TSC22D1: variants seen among roughly 807,000 people sequenced by gnomAD.
TSC22D1 encodes the protein TSC22 domain family member 1.
In TSC22D1, 9 loss-of-function variants were observed where a neutral mutation model predicts 74.2. That is an observed-to-expected ratio of 0.12 (90% CI 0.07 to 0.21). The LOEUF (loss-of-function observed/expected upper bound fraction) is 0.21. Ranked by LOEUF, TSC22D1 falls within the 10% of genes least tolerant of loss-of-function variation. The probability of loss-of-function intolerance (pLI) is 1.00; values close to 1 mark genes in which losing one functional copy is unlikely to be tolerated. For synonymous variants in TSC22D1, 586 were observed against 492.5 expected (o/e 1.19, Z -2.51); for missense variants, 1,427 against 1,304.7 (o/e 1.09, Z -1.44).
intron 1 of TSC22D1, among the ~76,000 whole-genome samples, chr13:44,548,897 T>A (rs139921521): frequency 2.6e-5 from 4 of 152,266 alleles, no homozygotes; most frequent in Admixed American, 6.5e-5. Context: ...AAGAACTTCA[T>A]AATTTAATAA....
intron 1 of TSC22D1, among the ~76,000 whole-genome samples, chr13:44,517,853 A>T (rs371848596): frequency 0.011 from 252 of 23,202 alleles, no homozygotes; most frequent in Non-Finnish European, 0.026. Context: ...ATATATATAT[A>T]TATATTTTTT....
chr13:44,456,604 C>T (rs1388612138), intron 1 of TSC22D1, among the ~76,000 whole-genome samples: 1 of 152,194 alleles, frequency 6.6e-6, no homozygotes, highest in African/African-American at 2.4e-5. Context: ...TAACAATTCT[C>T]TAGTATAGCC....
intron 1 of TSC22D1, among the ~76,000 whole-genome samples, chr13:44,487,092 T>C (rs1452804013): frequency 1.3e-5 from 2 of 152,138 alleles, no homozygotes; most frequent in Non-Finnish European, 2.9e-5. Flanking sequence ...GATGAAACTC[T>C]TGTATAAAAA....
chr13:44,484,242 G>A (rs1878326963), intron 1 of TSC22D1, among the ~76,000 whole-genome samples: 1 of 152,108 alleles, frequency 6.6e-6, no homozygotes, highest in Non-Finnish European at 1.5e-5. Context: ...TTGAAATTAT[G>A]CCTACAGTTC....
intron 1 of TSC22D1, among the ~76,000 whole-genome samples, chr13:44,546,085 T>C (rs1881809451): frequency 6.6e-6 from 1 of 152,182 alleles, no homozygotes; most frequent in Non-Finnish European, 1.5e-5. Context: ...GCCTTTACAT[T>C]AATTCCTTTG....
intron 1 of TSC22D1, among the ~76,000 whole-genome samples, chr13:44,496,503 C>A (rs144188675): frequency 6.6e-6 from 1 of 151,944 alleles, no homozygotes; most frequent in African/African-American, 2.4e-5. Context: ...GCCAACATTG[C>A]GAAACCCCAT....
rs1323559685 is a variant in TSC22D1, at chr13:44,575,710, G to A, written c.365C>T (p.Ser122Phe). 4 of 1,614,120 alleles carry A rather than the reference G, an allele frequency of 2.5e-6. No homozygotes were observed. The highest frequency in any genetic ancestry group is 2.5e-6 in the Non-Finnish European group (3 of 1,180,040). ...QITSVTPAQI[S>F]ASISSNNSIA... ...ACTGTTGTTAGAGCTGATACTAGCG[G>A]AGATCTGAGCAGGAGTAACGCTAGT... Residue 122 changes from serine (S) to phenylalanine (F), a missense_variant, in exon 1 of 3, where the codon TCC becomes TTC. Coordinates refer to ENST00000458659, the MANE Select transcript of TSC22D1 (RefSeq NM_183422.4).
chr13:44,443,476 G>A (rs750208764), intron 1 of TSC22D1, among the ~76,000 whole-genome samples: 7 of 152,020 alleles, frequency 4.6e-5, no homozygotes, highest in East Asian at 1.9e-4. Flanking sequence ...CTAGATCTAC[G>A]CAAGAGTGTG....
intron 1 of TSC22D1, among the ~76,000 whole-genome samples, chr13:44,516,845 A>G (rs1880011713): frequency 6.6e-6 from 1 of 152,222 alleles, no homozygotes; most frequent in African/African-American, 2.4e-5. Flanking sequence ...GAAGCTTATC[A>G]AAGCAGAAAA....
intron 1 of TSC22D1, among the ~76,000 whole-genome samples, chr13:44,567,370 CTAATTAGCATTTTAATTCCT>C (rs1274552847): frequency 6.6e-6 from 1 of 152,156 alleles, no homozygotes; most frequent in African/African-American, 2.4e-5. Context: ...CTCAGAATTT[CTAATTAGCATTTTAATTCCT>C]TACTCTTACA....
chr13:44,468,337 A>G (rs1877413150), intron 1 of TSC22D1, among the ~76,000 whole-genome samples: 1 of 130,322 alleles, frequency 7.7e-6, no homozygotes, highest in South Asian at 2.3e-4. Flanking sequence ...CAATTCATCT[A>G]TGTAACCAAA....
At chr13:44,514,370 C>T (rs1435702388) in intron 1 of TSC22D1, among the ~76,000 whole-genome samples, 1 of 150,990 alleles carries the variant, frequency 6.6e-6, no homozygotes, top group Non-Finnish European at 1.5e-5. Flanking sequence ...AATTTGACTA[C>T]ATAAAAAAAA....
intron 1 of TSC22D1, among the ~76,000 whole-genome samples, chr13:44,478,284 T>A (rs921473878): frequency 6.6e-6 from 1 of 152,156 alleles, no homozygotes; most frequent in African/African-American, 2.4e-5. Context: ...AAAAAATACA[T>A]GTAGAATAAT....
At chr13:44,492,743 G>A (rs1392257904) in intron 1 of TSC22D1, among the ~76,000 whole-genome samples, 4 of 152,126 alleles carry the variant, frequency 2.6e-5, no homozygotes, top group Non-Finnish European at 4.4e-5. Flanking sequence ...TTACTATGAT[G>A]TGTTAGCTTT....
In TSC22D1 at chr13:44,573,302, G is replaced by T; in HGVS notation, c.2773C>A (p.Pro925Thr). The change falls in exon 1 of 3, where the codon CCT becomes ACT. Residue 925 changes from proline to threonine, a missense_variant. Transcript: ENST00000458659. ...RAAEPSLVGL[P>T]QTISGDSGGM... ...CCACTGTCACCACTGATAGTCTGAG[G>T]TAAGCCAACTAAGGAGGGCTCCGCT... 1.2e-6 allele frequency: 2 copies of T among 1,614,234 alleles called. No homozygotes were observed. The highest frequency in any genetic ancestry group is 1.7e-6 in the Non-Finnish European group (2 of 1,180,050).
rs1035833111 is a variant in TSC22D1 at position 44,434,051 on chromosome 13, C to T, written c.*575G>A. 24 of 1,531,928 alleles carry T rather than the reference C, an allele frequency of 1.6e-5. No homozygotes were observed. The highest frequency in any genetic ancestry group is 1.0e-4 in the Admixed American group (5 of 49,570). 94.9% of individuals were successfully genotyped at this position (1,531,928 alleles called of 1,614,324 possible). A position where few individuals can be genotyped will look rare whatever the true frequency, so the allele number is the denominator to read the frequency against. ...CTACCTGTCACCATTTTGTCACTCT[C>T]ATAGTTTTGTGTCATCCATTGTTTG... On this transcript the variant is annotated 3_prime_UTR_variant, in exon 3 of 3. Coordinates refer to ENST00000458659, the MANE Select transcript of TSC22D1 (RefSeq NM_183422.4).
intron 1 of TSC22D1, among the ~76,000 whole-genome samples, chr13:44,542,782 T>A (rs536951574): frequency 5.1e-4 from 77 of 152,208 alleles, no homozygotes; most frequent in African/African-American, 1.7e-3. Flanking sequence ...ATAAAAAATG[T>A]AAAGATGCTT....
In TSC22D1 at chr13:44,575,393, G is replaced by C. The variant is rs780916911; in HGVS notation, c.682C>G (p.His228Asp). The change falls in exon 1 of 3, where the codon CAT becomes GAT. Residue 228 changes from histidine to aspartate, a missense_variant. This residue lies in a region of TSC22D1 where 1,343 missense variants were observed against 1,191.5 expected (regional missense o/e 1.13). Coordinates refer to ENST00000458659, the MANE Select transcript of TSC22D1 (RefSeq NM_183422.4). ...HHLHHHHQIHHGHHLQHGHHH... is the reference protein window; with the variant it reads ...HHLHHHHQIHDGHHLQHGHHH... ...TGACCATGTTGGAGGTGGTGCCCAT[G>C]ATGAATCTGATGGTGGTGATGGAGG... is the stretch of plus-strand genomic sequence containing the variant. 1 of 1,613,926 alleles carries C rather than the reference G, an allele frequency of 6.2e-7. No individual in the cohort carries two copies. Among genetic ancestry groups the C allele is most frequent in the Non-Finnish European group, 8.5e-7 (1 of 1,179,902 alleles).
At chr13:44,521,038 G>GT (rs1455419284) in intron 1 of TSC22D1, among the ~76,000 whole-genome samples, 3 of 152,120 alleles carry the variant, frequency 2.0e-5, no homozygotes, top group African/African-American at 7.2e-5. Context: ...CTTGCCCAAG[G>GT]TGAGTGGCAG....
Sources: gnomAD v4.1 joint callset for allele counts (sites outside exome capture counted in the v4.1 genomes callset) on GRCh38, gnomAD v4.1.1 for gene constraint, gnomAD v4.1.1 regional missense constraint, MANE v1.5 for transcripts, NCBI Gene and HGNC (gene_info 2026-07-23, HGNC 2026-07-21) for gene names.